Variants in TBC1D22A observed in about 807,000 individuals in gnomAD.
TBC1D22A encodes the protein TBC1 domain family member 22A.
TBC1D22A carries 38 observed loss-of-function variants against 60.2 expected under a neutral mutation model. That is an observed-to-expected ratio of 0.63 (90% confidence interval 0.49 to 0.83). TBC1D22A has a LOEUF of 0.83. Among genes scored for constraint, TBC1D22A ranks in the 40% least tolerant of loss-of-function variants. The pLI, the probability that TBC1D22A is intolerant of heterozygous loss-of-function variation, is 0.00. For synonymous variants in TBC1D22A, 302 were observed against 281.7 expected, an observed-to-expected ratio of 1.07 and a Z score of -0.72; for missense variants, 628 against 701.0, an observed-to-expected ratio of 0.90 and a Z score of 1.18.
chr22:47,131,836 G>T (rs895227380), intron 12 of TBC1D22A, among the ~76,000 whole-genome samples: 1 of 152,240 alleles, frequency 6.6e-6, no homozygotes, highest in Non-Finnish European at 1.5e-5. Context: ...GGAGCCAGAA[G>T]TGAGTGCACA....
Position 47,066,762 on chromosome 22 carries a change from A to G in TBC1D22A, c.1329+29564A>G, listed in dbSNP as rs112391784. 3.5e-3 allele frequency among the ~76,000 whole-genome samples: 536 copies of G among 152,164 alleles called. 8 individuals carry two copies. Among genetic ancestry groups the G allele is most frequent in the African/African-American group, 0.013 (522 of 41,510 alleles). ...CGGGGAAACCCTAGGTCCCCCATGA[A>G]CTTTGCTCGACCCCCTGGCATACCT... On this transcript the variant is annotated intron_variant, in intron 11 of 12. Coordinates refer to ENST00000337137, the MANE Select transcript of TBC1D22A (RefSeq NM_014346.5).
chr22:47,133,056 T>G (rs775241480), intron 12 of TBC1D22A, among the ~76,000 whole-genome samples: 4 of 152,214 alleles, frequency 2.6e-5, no homozygotes, highest in African/African-American at 4.8e-5. Flanking sequence ...ACTCCAAAAA[T>G]TGAAGTAGGC....
intron 4 of TBC1D22A, among the ~76,000 whole-genome samples, chr22:46,870,873 C>T (rs993267347): frequency 1.3e-5 from 2 of 152,198 alleles, no homozygotes. Context: ...GACCTAAACA[C>T]CTTCCCACAA....
At chr22:46,924,100 A>G (rs549626857) in intron 8 of TBC1D22A, among the ~76,000 whole-genome samples, 2 of 152,358 alleles carry the variant, frequency 1.3e-5, no homozygotes, top group South Asian at 2.1e-4. Context: ...TAGCTTAAAC[A>G]TTTTTAGCAG....
chr22:46,963,914 G>GC (rs149717607), intron 8 of TBC1D22A, among the ~76,000 whole-genome samples: 4,961 of 152,306 alleles, frequency 0.033, 108 homozygotes, highest in South Asian at 0.063. Flanking sequence ...GAGCTGGCTG[G>GC]CCACTGTTCC....
chr22:47,047,522 G>A (rs1031965239), intron 11 of TBC1D22A, among the ~76,000 whole-genome samples: 7 of 152,204 alleles, frequency 4.6e-5, no homozygotes, highest in Admixed American at 1.3e-4. Flanking sequence ...AGCCCCGAGC[G>A]GAGCAGCAAA....
At chr22:47,156,622 C>T (rs1373326416) in intron 12 of TBC1D22A, among the ~76,000 whole-genome samples, 2 of 152,080 alleles carry the variant, frequency 1.3e-5, no homozygotes, top group Non-Finnish European at 2.9e-5. Context: ...TGAGGGTGGG[C>T]CTGAGGCTGT....
intron 12 of TBC1D22A, among the ~76,000 whole-genome samples, chr22:47,135,778 C>T (rs1469252817): frequency 1.3e-5 from 2 of 152,220 alleles, no homozygotes; most frequent in Admixed American, 6.5e-5. Context: ...AGGGCGTGTG[C>T]GGAGAGTGCT....
chr22:46,918,242 C>G (rs2070512896), intron 8 of TBC1D22A, among the ~76,000 whole-genome samples: 1 of 152,252 alleles, frequency 6.6e-6, no homozygotes, highest in South Asian at 2.1e-4. Flanking sequence ...CATCTCTGCT[C>G]TGTCCCTGTC....
At chr22:46,818,710 C>G (rs1490306907) in intron 4 of TBC1D22A, among the ~76,000 whole-genome samples, 1 of 152,128 alleles carries the variant, frequency 6.6e-6, no homozygotes, top group African/African-American at 2.4e-5. Context: ...CTAGGATTGT[C>G]TTGGCTATAT....
chr22:46,794,827 CA>C (rs945176754), intron 3 of TBC1D22A, among the ~76,000 whole-genome samples: 1 of 152,116 alleles, frequency 6.6e-6, no homozygotes, highest in Non-Finnish European at 1.5e-5. Context: ...GGGTGAGGGG[CA>C]GGGGCGAAGT....
chr22:46,768,358 G>C (rs763363393), intron 1 of TBC1D22A, among the ~76,000 whole-genome samples: 17 of 151,796 alleles, frequency 1.1e-4, no homozygotes, highest in Admixed American at 2.0e-4. Context: ...GGTGGCAGGC[G>C]CCTGTAATCC....
chr22:46,781,042 T>G (rs58559396), intron 1 of TBC1D22A, among the ~76,000 whole-genome samples: 2,492 of 152,228 alleles, frequency 0.016, 73 homozygotes, highest in African/African-American at 0.057. Flanking sequence ...TCTTGGGCAT[T>G]TCCCCCTGCC....
intron 11 of TBC1D22A, among the ~76,000 whole-genome samples, chr22:47,065,738 G>A (rs2063754191): frequency 3.4e-5 from 2 of 58,900 alleles, no homozygotes; most frequent in Non-Finnish European, 3.0e-5. Context: ...GAAGCAGCTG[G>A]TTTTTAGTGT....
chr22:46,988,895 A>G (rs2074828865), intron 9 of TBC1D22A, among the ~76,000 whole-genome samples: 1 of 152,216 alleles, frequency 6.6e-6, no homozygotes, highest in East Asian at 1.9e-4. Context: ...AAAGTTGTAG[A>G]TGGTGTCTTC....
At chr22:46,878,798 C>T (rs1217718334) in intron 5 of TBC1D22A, 75 bp downstream of exon 5, 2 of 1,426,728 alleles carry the variant, frequency 1.4e-6, no homozygotes, top group Admixed American at 1.7e-5. Context: ...CTGAGTAGGG[C>T]CTGACAGCCA....
intron 5 of TBC1D22A, among the ~76,000 whole-genome samples, chr22:46,887,460 A>G (rs1179634553): frequency 6.6e-6 from 1 of 152,228 alleles, no homozygotes; most frequent in Non-Finnish European, 1.5e-5. Context: ...CACTTAACAG[A>G]AATGCATCTC....
At chr22:46,994,481 A>G (rs1441895097) in intron 9 of TBC1D22A, among the ~76,000 whole-genome samples, 1 of 152,078 alleles carries the variant, frequency 6.6e-6, no homozygotes, top group Non-Finnish European at 1.5e-5. Context: ...CTGCGCTCCA[A>G]GCTGACTCCA....
At chr22:46,835,344 A>G (rs932657495) in intron 4 of TBC1D22A, among the ~76,000 whole-genome samples, 3 of 152,260 alleles carry the variant, frequency 2.0e-5, no homozygotes, top group South Asian at 2.1e-4. Flanking sequence ...AGACAACTCA[A>G]CAAAATCAGG....
Sources: allele counts gnomAD v4.1 joint callset (sites outside exome capture counted in the v4.1 genomes callset), GRCh38; gene constraint gnomAD v4.1.1; transcripts MANE v1.5; gene names NCBI Gene and HGNC (gene_info 2026-07-23, HGNC 2026-07-21).